COPZ2: variants seen among roughly 807,000 people sequenced by gnomAD.
The protein encoded by COPZ2 is coat protein complex I subunit zeta 2.
In COPZ2, 30 loss-of-function variants were observed where a neutral mutation model predicts 33.2. That is an observed-to-expected ratio of 0.90 (90% CI 0.68 to 1.23). The LOEUF (loss-of-function observed/expected upper bound fraction) is 1.23, where lower values mean the gene tolerates loss of function less well. Ranked by LOEUF, COPZ2 falls within the 50% of genes most tolerant of loss-of-function variation. COPZ2 has a pLI of 0.00. For missense variants in COPZ2, 263 were observed against 262.4 expected, an observed-to-expected ratio of 1.00 and a Z score of -0.02; for synonymous variants, 89 against 102.6, an observed-to-expected ratio of 0.87 and a Z score of 0.80.
At chr17:48,040,216 C>T (rs937581469), upstream of COPZ2, among the ~76,000 whole-genome samples, 3 of 147,510 alleles carry the variant, frequency 2.0e-5, no homozygotes, top group Admixed American at 2.1e-4. Context: ...GGACGATACA[C>T]ACGTGCCACC....
chr17:48,032,302 C>G, intron 5 of COPZ2, 69 bp from the exon 6 acceptor site: 1 of 1,332,810 alleles, frequency 7.5e-7, no homozygotes, highest in East Asian at 2.4e-5. Context: ...CTAGGTGAGG[C>G]TGACCCCACT....
Position 48,037,724 on chromosome 17 carries a change from C to T in COPZ2, c.54G>A (p.Ala18=), listed in dbSNP as rs2037012741. 5.6e-6 allele frequency: 6 copies of T among 1,070,712 alleles called. No homozygotes were observed. The South Asian group carries it at 1.7e-4, about 31-fold the overall frequency. The allele number at this position is 1,070,712 out of a possible 1,614,324, so 66.3% of individuals were successfully genotyped here. The change falls in exon 1 of 9, where the codon GCG becomes GCA. Residue 18 remains alanine, a synonymous_variant. Coordinates refer to ENST00000621465, the MANE Select transcript of COPZ2 (RefSeq NM_016429.4). The surrounding 1 kb of genome is among the most constrained non-coding windows in gnomAD (Gnocchi z 5.6). ...PRPHPGEGAA[A]AQAGGPAPPA... ...GCGGCGCCGGGCCCCCGGCCTGGGC[C>T]GCCGCGGCCCCCTCCCCCGGGTGCG...
chr17:48,037,142 G>A lies in COPZ2; in HGVS notation c.112-217C>T. ...CCACTGCAGGCCCCGAGTGGGCGCTGTGCCCGTTGGGTGCAGAAGGTCCTT... is the reference window on the plus strand; with the variant it reads ...CCACTGCAGGCCCCGAGTGGGCGCTATGCCCGTTGGGTGCAGAAGGTCCTT... On this transcript the variant is annotated intron_variant, in intron 1 of 8. Transcript: ENST00000621465. This position sits in a 1 kb window ranked among gnomAD's most constrained non-coding sequence, Gnocchi z 5.6. 1 of 764,724 alleles carries A rather than the reference G, an allele frequency of 1.3e-6. No individual in the cohort carries two copies. The highest frequency in any genetic ancestry group is 2.4e-6 in the Non-Finnish European group (1 of 408,992). The allele number at this position is 764,724 out of a possible 1,614,324, so 47.4% of individuals were successfully genotyped here. A position where few individuals can be genotyped will look rare whatever the true frequency, so the allele number is the denominator to read the frequency against.
chr17:48,043,230 G>A, the COPZ2 span, among the ~76,000 whole-genome samples: 9 of 152,232 alleles, frequency 5.9e-5, no homozygotes, highest in African/African-American at 2.2e-4. Context: ...CTGTGAAGTA[G>A]TGCACTCAGA....
intron 4 of COPZ2, 200 bp downstream of exon 4, chr17:48,033,011 G>T: frequency 1.7e-6 from 1 of 596,708 alleles, no homozygotes; most frequent in Non-Finnish European, 3.0e-6. Flanking sequence ...CTTCATTCCT[G>T]GTTCCCAAGG....
At chr17:48,039,584 C>A (rs979442650), upstream of COPZ2, among the ~76,000 whole-genome samples, 1 of 152,004 alleles carries the variant, frequency 6.6e-6, no homozygotes, top group Non-Finnish European at 1.5e-5. Flanking sequence ...TGGTCTTGAA[C>A]GCCTAGGCTC....
intron 2 of COPZ2, among the ~76,000 whole-genome samples, chr17:48,036,290 T>C (rs2036981608): frequency 6.6e-6 from 1 of 152,214 alleles, no homozygotes; most frequent in African/African-American, 2.4e-5. Context: ...ATTAAATAAG[T>C]AAATAAATAA....
Position 48,037,711 on chromosome 17 carries a change from C to T in COPZ2, c.67G>A (p.Gly23Ser). Residue 23 changes from glycine (G) to serine (S), a missense_variant, in exon 1 of 9, where the codon GGC becomes AGC. Coordinates refer to ENST00000621465, the MANE Select transcript of COPZ2 (RefSeq NM_016429.4). This position sits in a 1 kb window ranked among gnomAD's most constrained non-coding sequence, Gnocchi z 5.6. ...CCGGCTCGAGCAGGCGGCGCCGGGC[C>T]CCCGGCCTGGGCCGCCGCGGCCCCC... is the stretch of plus-strand genomic sequence containing the variant. ...GEGAAAAQAGGPAPPARAGEP... is the reference protein window; with the variant it reads ...GEGAAAAQAGSPAPPARAGEP... The T allele has an allele frequency of 3.7e-6, 4 of 1,091,524 alleles. No individual in the cohort carries two copies. The highest frequency in any genetic ancestry group is 4.4e-6 in the Non-Finnish European group (4 of 900,758). 67.6% of individuals were successfully genotyped at this position (1,091,524 alleles called of 1,614,324 possible).
intron 8 of COPZ2, among the ~76,000 whole-genome samples, chr17:48,027,157 G>C (rs2036829020): frequency 6.6e-6 from 1 of 152,166 alleles, no homozygotes; most frequent in Admixed American, 6.5e-5. Flanking sequence ...TCCTCTCTTG[G>C]GGACAGTGGC....
intron 6 of COPZ2, chr17:48,031,802 G>A (rs778648319): frequency 3.1e-6 from 1 of 319,410 alleles, no homozygotes; most frequent in Non-Finnish European, 6.0e-6. Context: ...TGTGGGGCTG[G>A]TGGGACTGTC....
chr17:48,041,177 T>C (rs2037058518), upstream of COPZ2, among the ~76,000 whole-genome samples: 1 of 151,674 alleles, frequency 6.6e-6, no homozygotes. Context: ...AGACAACATA[T>C]TTTATGTGCT....
At chr17:48,038,478 A>G (rs147664037), upstream of COPZ2, among the ~76,000 whole-genome samples, 1 of 152,336 alleles carries the variant, frequency 6.6e-6, no homozygotes, top group East Asian at 1.9e-4. Context: ...TTCAGGGTAC[A>G]CTGGCAAGTG....
chr17:48,027,991 T>C (rs2036840462), intron 8 of COPZ2, among the ~76,000 whole-genome samples: 1 of 152,118 alleles, frequency 6.6e-6, no homozygotes, highest in Admixed American at 6.5e-5. Context: ...AAGTGATGAG[T>C]GGGGAAAGTC....
At chr17:48,040,587 C>T (rs778994892), upstream of COPZ2, among the ~76,000 whole-genome samples, 3 of 151,642 alleles carry the variant, frequency 2.0e-5, no homozygotes, top group Non-Finnish European at 4.4e-5. Flanking sequence ...TGCACACCAC[C>T]ACGCCCAGCT....
intron 5 of COPZ2, 41 bp downstream of exon 5, chr17:48,032,645 C>T (rs1277013095): frequency 6.0e-6 from 9 of 1,502,508 alleles, no homozygotes; most frequent in Non-Finnish European, 6.4e-6. Flanking sequence ...CATATCAGGG[C>T]CAGGGGGATG....
rs1025082048 is a variant in COPZ2 at position 48,028,903 on chromosome 17, G to C, written c.546+222C>G. On this transcript the variant is annotated intron_variant, in intron 7 of 8. Transcript: ENST00000621465. The surrounding 1 kb of genome is among the most constrained non-coding windows in gnomAD (Gnocchi z 4.5). ...TACTTCCTACCAGGAAAGAGGTGAGGTACTTGTGCTCCTAGCCGGGGAGAG... is the reference window on the plus strand; with the variant it reads ...TACTTCCTACCAGGAAAGAGGTGAGCTACTTGTGCTCCTAGCCGGGGAGAG... 1.1e-4 allele frequency among the ~76,000 whole-genome samples: 16 copies of C among 152,078 alleles called. No homozygotes were observed. Among genetic ancestry groups the C allele is most frequent in the Admixed American group, 5.2e-4 (8 of 15,272 alleles).
At chr17:48,033,761 A>G (rs2036935486) in intron 3 of COPZ2, 102 bp downstream of exon 3, 1 of 879,910 alleles carries the variant, frequency 1.1e-6, no homozygotes, top group Admixed American at 2.0e-5. Flanking sequence ...AGAAAGGGAA[A>G]TGGCCTGTGG....
chr17:48,046,300 T>C, the COPZ2 span: 2 of 152,266 alleles, frequency 1.3e-5, no homozygotes, highest in Admixed American at 6.5e-5. Flanking sequence ...TGAGCCTTTA[T>C]ATCTCTCAAT....
chr17:48,035,428 C>G (rs944215692), intron 2 of COPZ2, among the ~76,000 whole-genome samples: 3 of 152,196 alleles, frequency 2.0e-5, no homozygotes, highest in Non-Finnish European at 4.4e-5. Context: ...TGGGGTCTCA[C>G]TCTATAACCC....
Sources: gnomAD v4.1 joint callset for allele counts (sites outside exome capture counted in the v4.1 genomes callset) on GRCh38, gnomAD v4.1.1 for gene constraint, Gnocchi (gnomAD v3.1) non-coding constraint, MANE v1.5 for transcripts, NCBI Gene and HGNC (gene_info 2026-07-23, HGNC 2026-07-21) for gene names.